IFT56: variants seen among roughly 807,000 people sequenced by gnomAD.
IFT56 encodes intraflagellar transport 56, also known as intraflagellar transport protein 56.
At chr7:139,142,373 T>C in the IFT56 span, 1 of 1,305,734 alleles carries the variant, frequency 7.7e-7, no homozygotes, top group Non-Finnish European at 1.1e-6. Context: ...TTCTTGTTAC[T>C]AACACTAGTG....
the IFT56 span, among the ~76,000 whole-genome samples, chr7:139,135,277 C>CAAA: frequency 4.3e-4 from 27 of 62,912 alleles, no homozygotes; most frequent in East Asian, 7.8e-4. Flanking sequence ...GACTCCGTCT[C>CAAA]AAAAAAAAAA....
At chr7:139,142,118 A>G in the IFT56 span, 1 of 868,224 alleles carries the variant, frequency 1.2e-6, no homozygotes. Context: ...CCAGACTCAA[A>G]CAATATGTAT....
the IFT56 span, among the ~76,000 whole-genome samples, chr7:139,159,091 G>A: frequency 6.6e-6 from 1 of 152,056 alleles, no homozygotes. Flanking sequence ...GTCAGGATTT[G>A]GTGCAAAGGT....
chr7:139,172,823 C>A, the IFT56 span: 2 of 659,656 alleles, frequency 3.0e-6, no homozygotes, highest in Non-Finnish European at 5.9e-6. Flanking sequence ...GTTTTTCTCC[C>A]TTCAAAGCCA....
the IFT56 span, among the ~76,000 whole-genome samples, chr7:139,185,178 A>G: frequency 6.6e-6 from 1 of 150,930 alleles, no homozygotes; most frequent in Non-Finnish European, 1.5e-5. Context: ...TCCAACCTGG[A>G]TGACAAAGCA....
chr7:139,181,854 C>T, the IFT56 span, among the ~76,000 whole-genome samples: 3 of 152,052 alleles, frequency 2.0e-5, no homozygotes, highest in African/African-American at 7.2e-5. Flanking sequence ...CTTATGGAAC[C>T]ACAATCATAT....
At chr7:139,153,345 G>A in the IFT56 span, among the ~76,000 whole-genome samples, 1 of 151,736 alleles carries the variant, frequency 6.6e-6, no homozygotes, top group East Asian at 1.9e-4. Context: ...CAGCTACACA[G>A]GAAGTTGAGG....
the IFT56 span, among the ~76,000 whole-genome samples, chr7:139,183,693 C>G: frequency 6.6e-6 from 1 of 150,986 alleles, no homozygotes; most frequent in Non-Finnish European, 1.5e-5. Context: ...AAAAACCAAC[C>G]ATGAAATACT....
the IFT56 span, among the ~76,000 whole-genome samples, chr7:139,175,055 A>G: frequency 4.6e-5 from 7 of 152,058 alleles, no homozygotes; most frequent in Non-Finnish European, 1.0e-4. Flanking sequence ...AAAAAGACAT[A>G]CAAATGACAA....
the IFT56 span, among the ~76,000 whole-genome samples, chr7:139,153,151 G>GAA: frequency 0.014 from 1,801 of 132,482 alleles, 20 homozygotes; most frequent in African/African-American, 0.026. Context: ...TCCGTCTCCG[G>GAA]AAAAAAAAAA....
the IFT56 span, among the ~76,000 whole-genome samples, chr7:139,142,600 C>T: frequency 2.0e-5 from 3 of 152,106 alleles, no homozygotes; most frequent in Admixed American, 6.5e-5. Context: ...GAGGCTGAAG[C>T]GGGCGGATCA....
At chr7:139,147,721 G>A in the IFT56 span, among the ~76,000 whole-genome samples, 822 of 152,228 alleles carry the variant, frequency 5.4e-3, 8 homozygotes, top group African/African-American at 0.019. Context: ...TAGTTACATC[G>A]TAGGTAACTT....
chr7:139,168,421 C>G, the IFT56 span: 1 of 1,591,238 alleles, frequency 6.3e-7, no homozygotes, highest in Non-Finnish European at 8.6e-7. Flanking sequence ...CACTGATAAT[C>G]TATAGGTTGC....
the IFT56 span, among the ~76,000 whole-genome samples, chr7:139,167,834 G>A: frequency 9.2e-5 from 14 of 151,800 alleles, no homozygotes; most frequent in Admixed American, 1.3e-4. Context: ...CCAGCTACTC[G>A]GGAGGCTGAG....
the IFT56 span, among the ~76,000 whole-genome samples, chr7:139,157,025 T>G: frequency 1.3e-5 from 2 of 152,210 alleles, no homozygotes; most frequent in African/African-American, 4.8e-5. Flanking sequence ...TGTCAGGATT[T>G]TAATTGTATT....
chr7:139,191,197 T>G, the IFT56 span: 2 of 152,238 alleles, frequency 1.3e-5, no homozygotes, highest in Non-Finnish European at 2.9e-5. Context: ...TAAACTGGCC[T>G]AAATAACTGA....
the IFT56 span, chr7:139,172,901 G>T: frequency 5.6e-6 from 4 of 708,696 alleles, no homozygotes; most frequent in Non-Finnish European, 1.1e-5. Context: ...CTATGCACGG[G>T]TGTCTTCTTT....
chr7:139,161,934 C>T, the IFT56 span, among the ~76,000 whole-genome samples: 2 of 152,024 alleles, frequency 1.3e-5, no homozygotes, highest in Non-Finnish European at 2.9e-5. Flanking sequence ...TTATGGGTTA[C>T]ATAATAGTCT....
chr7:139,156,460 A>G, the IFT56 span, among the ~76,000 whole-genome samples: 2 of 151,846 alleles, frequency 1.3e-5, no homozygotes, highest in Non-Finnish European at 2.9e-5. Context: ...GGCATTTACA[A>G]CTATAAAATT....
Sources: gnomAD v4.1 joint callset for allele counts (sites outside exome capture counted in the v4.1 genomes callset) on GRCh38, gnomAD v4.1.1 for gene constraint, MANE v1.5 for transcripts, NCBI Gene and HGNC (gene_info 2026-07-23, HGNC 2026-07-21) for gene names.